Variants in SOX6 observed in about 807,000 individuals in gnomAD.
SOX6 encodes transcription factor SOX-6.
In SOX6, 11 loss-of-function variants were observed where a neutral mutation model predicts 97.8. The observed-to-expected ratio is 0.11, with a 90% CI of 0.07 to 0.19. The LOEUF (loss-of-function observed/expected upper bound fraction) is 0.19. SOX6 is among the 10% of genes least tolerant of loss of function. SOX6 has a pLI of 1.00. For missense variants in SOX6, 810 were observed against 1,039.5 expected (o/e 0.78, Z 3.04); for synonymous variants, 360 against 371.4 (o/e 0.97, Z 0.35).
chr11:16,004,798 C>T (rs1854502420), intron 13 of SOX6, among the ~76,000 whole-genome samples: 1 of 151,966 alleles, frequency 6.6e-6, no homozygotes, highest in Non-Finnish European at 1.5e-5. Context: ...GGCTCAGATG[C>T]CATATAGACA....
chr11:16,710,710 C>T (rs1268417049), intron 3 of SOX6, among the ~76,000 whole-genome samples: 1 of 152,166 alleles, frequency 6.6e-6, no homozygotes, highest in African/African-American at 2.4e-5. Context: ...TGACCTTATC[C>T]ATTCCCATGG....
At position 16,456,563 on chromosome 11, in the gene SOX6, G is replaced by A. The variant is rs115125400; in HGVS notation, c.-5+19752C>T. Reference sequence around the variant, plus strand: ...AGGTGACACCTCATGCCAGATCCTTGCCAAGTCACTCGAGATACCAGGCAG... The same window carrying A: ...AGGTGACACCTCATGCCAGATCCTTACCAAGTCACTCGAGATACCAGGCAG... On this transcript the variant is annotated intron_variant, in intron 1 of 15. Transcript: ENST00000396356. 2.6e-3 allele frequency among the ~76,000 whole-genome samples: 395 copies of A among 152,208 alleles called. 3 individuals are homozygous for A. Among genetic ancestry groups the A allele is most frequent in the African/African-American group, 9.0e-3 (373 of 41,544 alleles).
At chr11:16,490,362 C>T (rs10832620) in intron 4 of SOX6, among the ~76,000 whole-genome samples, 26,704 of 151,860 alleles carry the variant, frequency 0.18, 2,745 homozygotes, top group Admixed American at 0.31. Flanking sequence ...CTATGACCCC[C>T]TAGGTATACT....
intron 3 of SOX6, chr11:16,264,461 T>C (rs544830539): frequency 6.6e-6 from 1 of 152,162 alleles, no homozygotes; most frequent in African/African-American, 2.4e-5. Context: ...GACTGCAGCA[T>C]AATTTATTTA....
At chr11:16,437,582 C>T (rs1859405306) in intron 1 of SOX6, among the ~76,000 whole-genome samples, 1 of 152,186 alleles carries the variant, frequency 6.6e-6, no homozygotes, top group Non-Finnish European at 1.5e-5. Flanking sequence ...CTATCACCTT[C>T]TCTTGAGCAA....
intron 1 of SOX6, among the ~76,000 whole-genome samples, chr11:16,363,966 T>C (rs931120195): frequency 6.6e-6 from 1 of 152,124 alleles, no homozygotes; most frequent in Non-Finnish European, 1.5e-5. Flanking sequence ...GATGTTCTTT[T>C]CCATCACCAC....
At chr11:16,102,669 T>A (rs1194211795) in intron 7 of SOX6, among the ~76,000 whole-genome samples, 3 of 151,884 alleles carry the variant, frequency 2.0e-5, no homozygotes, top group Non-Finnish European at 4.4e-5. Context: ...GGTACTGGTA[T>A]GAAAATAGGC....
At chr11:16,247,464 A>T (rs565664107) in intron 3 of SOX6, among the ~76,000 whole-genome samples, 1 of 152,256 alleles carries the variant, frequency 6.6e-6, no homozygotes, top group African/African-American at 2.4e-5. Flanking sequence ...TGGGTAATTT[A>T]TAAAGAAAAC....
chr11:16,591,189 T>G (rs1848146065), intron 4 of SOX6, among the ~76,000 whole-genome samples: 1 of 152,152 alleles, frequency 6.6e-6, no homozygotes, highest in African/African-American at 2.4e-5. Flanking sequence ...AGCAGTTCAC[T>G]GCTTATATTA....
chr11:16,355,833 G>A (rs1421033003), intron 1 of SOX6, among the ~76,000 whole-genome samples: 1 of 151,818 alleles, frequency 6.6e-6, no homozygotes, highest in African/African-American at 2.4e-5. Flanking sequence ...AAAAATCTAC[G>A]AGATGCTACA....
chr11:16,246,907 T>C (rs1853351949), intron 3 of SOX6, among the ~76,000 whole-genome samples: 1 of 152,160 alleles, frequency 6.6e-6, no homozygotes, highest in African/African-American at 2.4e-5. Flanking sequence ...TTTCTTTGTG[T>C]TAGAAACATT....
At chr11:16,289,681 G>T (rs1036135762) in intron 3 of SOX6, among the ~76,000 whole-genome samples, 2 of 151,936 alleles carry the variant, frequency 1.3e-5, no homozygotes, top group East Asian at 3.9e-4. Context: ...AACTTTCTAG[G>T]TGCATCTGGG....
chr11:16,231,889 T>C (rs1290367218), intron 4 of SOX6, among the ~76,000 whole-genome samples: 1 of 151,804 alleles, frequency 6.6e-6, no homozygotes, highest in South Asian at 2.1e-4. Flanking sequence ...AAAATTATAA[T>C]GGGATGATTC....
chr11:15,987,149 A>C (rs1450472121), intron 14 of SOX6, among the ~76,000 whole-genome samples: 1 of 152,216 alleles, frequency 6.6e-6, no homozygotes, highest in African/African-American at 2.4e-5. Context: ...CTTGATGAAG[A>C]GGGGATGTGT....
intron 4 of SOX6, among the ~76,000 whole-genome samples, chr11:16,570,116 A>G (rs1371454062): frequency 6.6e-6 from 1 of 152,154 alleles, no homozygotes; most frequent in African/African-American, 2.4e-5. Flanking sequence ...TTTACTTACT[A>G]AAACCTACTC....
At chr11:16,142,325 G>A (rs1850166650) in intron 6 of SOX6, among the ~76,000 whole-genome samples, 1 of 152,100 alleles carries the variant, frequency 6.6e-6, no homozygotes, top group African/African-American at 2.4e-5. Context: ...CAAACAGAAA[G>A]GACATCCACA....
chr11:16,055,776 C>G lies in SOX6; in HGVS notation c.1227G>C (p.Gly409=). The G allele has an allele frequency of 6.2e-7, 1 of 1,613,606 alleles. No individual in the cohort carries two copies. Among genetic ancestry groups the G allele is most frequent in the African/African-American group, 1.3e-5 (1 of 74,978 alleles). Residue 409 remains glycine (G), a synonymous_variant, in exon 10 of 16, where the codon GGG becomes GGC. Coordinates refer to ENST00000683767, the MANE Select transcript of SOX6 (RefSeq NM_001367873.1). ...CCTTAACTTGAGTTACAGGGCTGGTCCCTCTCTTTTCATTTTTTATCCCAG... is the reference window on the plus strand; with the variant it reads ...CCTTAACTTGAGTTACAGGGCTGGTGCCTCTCTTTTCATTTTTTATCCCAG... ...SPTGIKNEKR[G]TSPVTQVKDE...
In SOX6 at chr11:16,621,130, G is replaced by C. The variant is rs140729636; in HGVS notation, n.430-8870C>G. On this transcript the variant is annotated intron_variant and non_coding_transcript_variant, in intron 3 of 5. Transcript: ENST00000524520. ...GAGGTGTCCTGTAATTAGGAAACTT[G>C]TTTTTGGTCTGTTTGTTACAATATT... 2.3e-3 allele frequency among the ~76,000 whole-genome samples: 345 copies of C among 152,100 alleles called. 5 individuals carry two copies. Among genetic ancestry groups the C allele is most frequent in the African/African-American group, 8.1e-3 (336 of 41,520 alleles).
intron 1 of SOX6, among the ~76,000 whole-genome samples, chr11:16,411,858 C>T (rs867036615): frequency 9.9e-5 from 15 of 152,160 alleles, no homozygotes; most frequent in Middle Eastern, 3.4e-3. Flanking sequence ...CTAGTGAGAG[C>T]TTTAATTTGA....
Sources: gnomAD v4.1 joint callset for allele counts (sites outside exome capture counted in the v4.1 genomes callset) on GRCh38, gnomAD v4.1.1 for gene constraint, MANE v1.5 for transcripts, NCBI Gene and HGNC (gene_info 2026-07-23, HGNC 2026-07-21) for gene names.